Variants in SLC44A5 observed in about 807,000 individuals in gnomAD.
SLC44A5 encodes the protein solute carrier family 44 member 5, also known as choline transporter-like protein 5.
Under a neutral mutation model 101.8 loss-of-function variants are expected in SLC44A5, and 57 were observed. The observed-to-expected ratio is 0.56, with a 90% confidence interval of 0.45 to 0.70. The LOEUF (loss-of-function observed/expected upper bound fraction) is 0.70. Among genes scored for constraint, SLC44A5 ranks in the 30% least tolerant of loss-of-function variants. The pLI is 0.00. For synonymous variants in SLC44A5, 281 were observed against 290.9 expected, an observed-to-expected ratio of 0.97 and a Z score of 0.35; for missense variants, 737 against 853.1, an observed-to-expected ratio of 0.86 and a Z score of 1.70.
At chr1:75,663,610 GAACA>G in the SLC44A5 span, among the ~76,000 whole-genome samples, 1 of 152,036 alleles carries the variant, frequency 6.6e-6, no homozygotes, top group African/African-American at 2.4e-5. Flanking sequence ...TTGAAACACT[GAACA>G]AACCAATATC....
the SLC44A5 span, chr1:75,723,632 AATC>A: frequency 6.6e-6 from 1 of 152,196 alleles, no homozygotes; most frequent in African/African-American, 2.4e-5. Flanking sequence ...GACAATTCCT[AATC>A]ATCTTTAAGA....
At chr1:75,415,114 C>T (rs1156954225) in intron 2 of SLC44A5, among the ~76,000 whole-genome samples, 1 of 152,102 alleles carries the variant, frequency 6.6e-6, no homozygotes, top group Admixed American at 6.6e-5. Context: ...GGGAGAAATA[C>T]ATAAACACAA....
At chr1:75,255,091 A>G (rs565995346) in intron 6 of SLC44A5, among the ~76,000 whole-genome samples, 1 of 152,234 alleles carries the variant, frequency 6.6e-6, no homozygotes, top group Admixed American at 6.5e-5. Flanking sequence ...GGAATATGAC[A>G]GTCAACACAG....
chr1:75,507,925 A>G (rs532450587), intron 2 of SLC44A5, among the ~76,000 whole-genome samples: 5 of 152,340 alleles, frequency 3.3e-5, no homozygotes, highest in Admixed American at 1.3e-4. Context: ...ACACAATAAT[A>G]GTGGGAGACT....
intron 4 of SLC44A5, among the ~76,000 whole-genome samples, chr1:75,336,110 A>G (rs17097953): frequency 0.096 from 14,597 of 152,168 alleles, 909 homozygotes; most frequent in African/African-American, 0.17. Flanking sequence ...CACTGGTTAT[A>G]GCACCTATTC....
At chr1:75,617,605 C>T in the SLC44A5 span, among the ~76,000 whole-genome samples, 1 of 152,120 alleles carries the variant, frequency 6.6e-6, no homozygotes, top group South Asian at 2.1e-4. Flanking sequence ...AATCTAGAAA[C>T]ATGTGAAATG....
intron 2 of SLC44A5, among the ~76,000 whole-genome samples, chr1:75,431,092 C>T (rs1276921882): frequency 3.9e-5 from 6 of 151,986 alleles, no homozygotes; most frequent in African/African-American, 1.2e-4. Flanking sequence ...TTGAGAATTC[C>T]ATGGGAAAAA....
At chr1:75,409,320 C>T (rs1266827332) in intron 2 of SLC44A5, among the ~76,000 whole-genome samples, 1 of 152,134 alleles carries the variant, frequency 6.6e-6, no homozygotes, top group Non-Finnish European at 1.5e-5. Flanking sequence ...AGTACACCTA[C>T]AGAATGTATT....
the SLC44A5 span, among the ~76,000 whole-genome samples, chr1:75,647,987 G>C: frequency 1.3e-5 from 2 of 152,282 alleles, no homozygotes; most frequent in South Asian, 4.1e-4. Context: ...ACGTGAGAAA[G>C]ACAAGATTTG....
At chr1:75,658,855 T>C in the SLC44A5 span, among the ~76,000 whole-genome samples, 2 of 151,766 alleles carry the variant, frequency 1.3e-5, no homozygotes, top group African/African-American at 4.8e-5. Context: ...TCTGAAAAGA[T>C]AAATAAAATT....
intron 5 of SLC44A5, among the ~76,000 whole-genome samples, chr1:75,282,781 T>C (rs1191632270): frequency 2.6e-5 from 4 of 152,170 alleles, no homozygotes; most frequent in Admixed American, 2.0e-4. Context: ...TGAAGAAGGA[T>C]GTGTTTGCTT....
chr1:75,661,387 T>TAAAAAAAAAAAAAA, the SLC44A5 span, among the ~76,000 whole-genome samples: 46 of 53,612 alleles, frequency 8.6e-4, 3 homozygotes, highest in African/African-American at 2.9e-3. Flanking sequence ...CTACTGCAAG[T>TAAAAAAAAAAAAAA]AAAAAAAAAA....
rs150190275 is a variant in SLC44A5, at chr1:75,233,578, G to A, written c.853+408C>T. On this transcript the variant is annotated intron_variant, in intron 12 of 23. Transcript: ENST00000370859. ...CGGTGTGACAGCACCTGGATTAAACGTACTAAGTTGAAAGAGAAAAATAGA... is the reference window on the plus strand; with the variant it reads ...CGGTGTGACAGCACCTGGATTAAACATACTAAGTTGAAAGAGAAAAATAGA... Among the ~76,000 whole-genome samples, 62 of 152,282 alleles carry A rather than the reference G, an allele frequency of 4.1e-4. 1 individual carries two copies. Among genetic ancestry groups the A allele is most frequent in the African/African-American group, 1.3e-3 (56 of 41,568 alleles).
intron 2 of SLC44A5, among the ~76,000 whole-genome samples, chr1:75,459,361 G>A (rs1666368866): frequency 1.3e-5 from 2 of 151,828 alleles, no homozygotes; most frequent in African/African-American, 4.8e-5. Context: ...CCATTTTTTG[G>A]ACATTCAGTT....
rs925593534 is a variant in SLC44A5 at position 75,300,681 on chromosome 1, A to G, written c.106T>C (p.Cys36Arg). ...DFKGPVANRS[C>R]TDVLCCMIFL... ...ATCATACAGCACAGAACATCTGTACAACTCCTAAAGACAAAAAAAGAAATA... is the reference window on the plus strand; with the variant it reads ...ATCATACAGCACAGAACATCTGTACGACTCCTAAAGACAAAAAAAGAAATA... Residue 36 changes from cysteine to arginine, a missense_variant, in exon 5 of 24, where the codon TGT (cysteine) becomes CGT (arginine). Cys to Arg is a radical substitution (Grantham distance 180). This residue lies in a region of SLC44A5 where 665 missense variants were observed against 764.4 expected (regional missense o/e 0.87). Coordinates refer to ENST00000370859, the MANE Select transcript of SLC44A5 (RefSeq NM_001130058.2). The G allele has an allele frequency of 1.3e-6, 2 of 1,585,528 alleles. No individual in the cohort carries two copies. The highest frequency in any genetic ancestry group is 1.7e-6 in the Non-Finnish European group (2 of 1,167,292).
chr1:75,393,426 A>G (rs1661924491), intron 3 of SLC44A5, among the ~76,000 whole-genome samples: 2 of 152,192 alleles, frequency 1.3e-5, no homozygotes, highest in Non-Finnish European at 2.9e-5. Flanking sequence ...CAAAGGGTTA[A>G]AAACTCTTCT....
chr1:75,204,869 A>G (rs1487774257), intron 23 of SLC44A5: 3 of 152,208 alleles, frequency 2.0e-5, no homozygotes, highest in Non-Finnish European at 4.4e-5. Flanking sequence ...AAATCACAGT[A>G]TATCAGAATC....
At chr1:75,291,529 A>G (rs1280693237) in intron 5 of SLC44A5, among the ~76,000 whole-genome samples, 1 of 152,190 alleles carries the variant, frequency 6.6e-6, no homozygotes, top group Non-Finnish European at 1.5e-5. Context: ...TGATTCACAG[A>G]GGCAGATGAT....
At chr1:75,443,922 A>AT (rs1490044407) in intron 2 of SLC44A5, among the ~76,000 whole-genome samples, 2 of 152,118 alleles carry the variant, frequency 1.3e-5, no homozygotes, top group African/African-American at 4.8e-5. Context: ...ACAGTAAATG[A>AT]TTTTTAAAAA....
Sources: gnomAD v4.1 joint callset for allele counts (sites outside exome capture counted in the v4.1 genomes callset) on GRCh38, gnomAD v4.1.1 for gene constraint, gnomAD v4.1.1 regional missense constraint, MANE v1.5 for transcripts, NCBI Gene and HGNC (gene_info 2026-07-23, HGNC 2026-07-21) for gene names.